TLE3: variants seen among roughly 807,000 people sequenced by gnomAD.
TLE3 encodes the protein TLE family member 3, transcriptional corepressor.
A neutral mutation model predicts 93.0 loss-of-function variants in TLE3; 14 were observed. That is an observed-to-expected ratio of 0.15 (90% CI 0.10 to 0.24). The LOEUF (loss-of-function observed/expected upper bound fraction) is 0.24. Among genes scored for constraint, TLE3 ranks in the 10% least tolerant of loss-of-function variants. The probability of loss-of-function intolerance (pLI) is 1.00; values close to 1 mark genes in which losing one functional copy is unlikely to be tolerated. For missense variants in TLE3, 693 were observed against 1,046.6 expected (o/e 0.66, Z 4.66); for synonymous variants, 451 against 425.0 (o/e 1.06, Z -0.75).
At chr15:70,052,735 C>T (rs2055660105) in intron 17 of TLE3, 2 of 395,964 alleles carry the variant, frequency 5.1e-6, no homozygotes, top group Admixed American at 4.4e-5. Flanking sequence ...GTCTCTGAGA[C>T]TTTCATCTTT....
At chr15:70,095,887 C>T (rs2058531400) in intron 2 of TLE3, 1 of 621,992 alleles carries the variant, frequency 1.6e-6, no homozygotes, top group Non-Finnish European at 2.8e-6. Context: ...AGGACCCTGA[C>T]GCTGGCTCCC....
At position 70,066,076 on chromosome 15, in the gene TLE3, A is replaced by G. The variant is rs1331380062; in HGVS notation, c.515T>C (p.Leu172Pro). 2 of 1,580,794 alleles carry G rather than the reference A, an allele frequency of 1.3e-6. No homozygotes were observed. Among genetic ancestry groups the G allele is most frequent in the Non-Finnish European group, 1.7e-6 (2 of 1,161,740 alleles). Residue 172 changes from leucine (L) to proline (P), a missense_variant, in exon 7 of 20, where the codon CTG becomes CCG. Physicochemically the swap from Leu to Pro is moderately conservative, Grantham distance 98. This residue lies in a region of TLE3 where 405 missense variants were observed against 468.9 expected (regional missense o/e 0.86). Coordinates refer to ENST00000451782, the MANE Select transcript of TLE3 (RefSeq NM_001105192.3). Reference protein sequence around the residue: ...SSSGLLALGALGSQAHLTVKD... With the variant: ...SSSGLLALGAPGSQAHLTVKD... The stretch of plus-strand genomic sequence containing the variant: ...CACCGTCAGATGGGCCTGGCTGCCC[A>G]GGGCGCCCAGTGCCAGCAGCCCGGA...
At chr15:70,068,101 T>C (rs1435034657) in intron 6 of TLE3, among the ~76,000 whole-genome samples, 2 of 152,224 alleles carry the variant, frequency 1.3e-5, no homozygotes, top group African/African-American at 4.8e-5. Context: ...TTTAAGAAAA[T>C]GTAATTTTTA....
Position 70,058,480 on chromosome 15 carries a change from C to T in TLE3, c.918+183G>A, listed in dbSNP as rs1022732219. The T allele has an allele frequency of 5.1e-5, 65 of 1,280,792 alleles. No individual in the cohort carries two copies. In the African/African-American group the frequency reaches 6.8e-4, roughly 13 times the overall value. 79.3% of individuals were successfully genotyped at this position (1,280,792 alleles called of 1,614,324 possible). On this transcript the variant is annotated intron_variant, in intron 11 of 19. Coordinates refer to ENST00000451782, the MANE Select transcript of TLE3 (RefSeq NM_001105192.3). This position sits in a 1 kb window ranked among gnomAD's most constrained non-coding sequence, Gnocchi z 4.1. ...GGGGTGATCACTCCCATTTTACAGA[C>T]GTAGCAACCGAGGCTCAGAAACGTT...
At chr15:70,075,155 G>A (rs2057376850) in intron 5 of TLE3, among the ~76,000 whole-genome samples, 1 of 152,204 alleles carries the variant, frequency 6.6e-6, no homozygotes, top group African/African-American at 2.4e-5. Flanking sequence ...TGAACAGATA[G>A]AGAAAGAAAA....
chr15:70,076,614 G>A (rs188687334), intron 4 of TLE3, among the ~76,000 whole-genome samples: 4 of 152,178 alleles, frequency 2.6e-5, no homozygotes, highest in Non-Finnish European at 4.4e-5. Flanking sequence ...CTGATAAGCG[G>A]TCCTATGTGG....
chr15:70,096,818 T>G lies in TLE3; in HGVS notation c.-20A>C. On this transcript the variant is annotated 5_prime_UTR_variant, in exon 1 of 20. Coordinates refer to ENST00000451782, the MANE Select transcript of TLE3 (RefSeq NM_001105192.3). ...ATACATGGCAGGGAGGGGTCGTGAT[T>G]CCGAGAGCGTGGAAGCGCCGAGAGC... 6.2e-7 allele frequency: 1 copy of G among 1,606,246 alleles called. No individual in the cohort carries two copies. The highest frequency in any genetic ancestry group is 8.5e-7 in the Non-Finnish European group (1 of 1,176,508).
At chr15:70,091,190 G>A (rs1456366533) in intron 4 of TLE3, among the ~76,000 whole-genome samples, 1 of 152,268 alleles carries the variant, frequency 6.6e-6, no homozygotes, top group Non-Finnish European at 1.5e-5. Context: ...TTACAGGAAA[G>A]GTTGTTCAGT....
Position 70,053,593 on chromosome 15 carries a change from C to T in TLE3, c.1827-219G>A, listed in dbSNP as rs552235668. The stretch of plus-strand genomic sequence containing the variant: ...CGGAAGGGTTTGCCCAGGGACAAGT[C>T]CCCTGGGAAATGGGGGGGGGAGGTG... On this transcript the variant is annotated intron_variant, in intron 16 of 19. Transcript: ENST00000451782. 12 of 441,198 alleles carry T rather than the reference C, an allele frequency of 2.7e-5. No homozygotes were observed. In the South Asian group the frequency reaches 6.1e-4, roughly 22 times the overall value. 27.3% of individuals were successfully genotyped at this position (441,198 alleles called of 1,614,324 possible).
At chr15:70,080,635 G>A (rs1013298237) in intron 4 of TLE3, among the ~76,000 whole-genome samples, 8 of 152,124 alleles carry the variant, frequency 5.3e-5, no homozygotes, top group East Asian at 1.9e-4. Flanking sequence ...TGTTCCATGC[G>A]CCTTAGTAGC....
At chr15:70,059,313 G>A in intron 10 of TLE3, 97 bp downstream of exon 10, 1 of 1,419,030 alleles carries the variant, frequency 7.0e-7, no homozygotes. Context: ...CAGGCTGCCA[G>A]TAATACTAGA....
Position 70,049,991 on chromosome 15 carries a change from C to T in TLE3, c.*106G>A. On this transcript the variant is annotated 3_prime_UTR_variant, in exon 20 of 20. Coordinates refer to ENST00000451782, the MANE Select transcript of TLE3 (RefSeq NM_001105192.3). ...GAGCGCAGCCCTGAACGCTCGGCTG[C>T]CTGCGGCCCATCCTCCGCCATCCTC... 2.2e-6 allele frequency: 2 copies of T among 917,596 alleles called. No individual in the cohort carries two copies. The highest frequency in any genetic ancestry group is 3.5e-6 in the Non-Finnish European group (2 of 570,934). 56.8% of individuals were successfully genotyped at this position (917,596 alleles called of 1,614,324 possible).
At chr15:70,088,041 C>G (rs1374816861) in intron 4 of TLE3, among the ~76,000 whole-genome samples, 8 of 152,152 alleles carry the variant, frequency 5.3e-5, no homozygotes, top group Admixed American at 1.3e-4. Flanking sequence ...AATCTGATTC[C>G]TTAGCGGTCA....
chr15:70,053,095 G>T, intron 17 of TLE3, 132 bp downstream of exon 17: 1 of 1,197,472 alleles, frequency 8.4e-7, no homozygotes, highest in Non-Finnish European at 1.1e-6. Flanking sequence ...TTCCCAGATG[G>T]CTCAGGTTGG....
chr15:70,059,645 G>A (rs538377413), intron 9 of TLE3, among the ~76,000 whole-genome samples, 185 bp from the exon 10 acceptor site: 10 of 152,218 alleles, frequency 6.6e-5, no homozygotes, highest in Admixed American at 1.3e-4. Context: ...CGGTCTCCCC[G>A]TGAGGCTGTC....
intron 7 of TLE3, among the ~76,000 whole-genome samples, chr15:70,064,720 A>C (rs912435976): frequency 6.6e-6 from 1 of 152,032 alleles, no homozygotes; most frequent in South Asian, 2.1e-4. Context: ...TCTAGTCCCC[A>C]GGGTGGGCAA....
Position 70,054,704 on chromosome 15 carries a change from G to T in TLE3, c.1579-19C>A. 1 of 1,559,412 alleles carries T rather than the reference G, an allele frequency of 6.4e-7. No homozygotes were observed. The highest frequency in any genetic ancestry group is 8.7e-7 in the Non-Finnish European group (1 of 1,149,284). ...CCCTGTTCTGGAGGGAGAAGGGGCA[G>T]GGCTGAGTGCTGCCTACTTCCCCTC... On this transcript the variant is annotated intron_variant, in intron 15 of 19. Transcript: ENST00000451782.
intron 6 of TLE3, among the ~76,000 whole-genome samples, chr15:70,068,958 A>C (rs1187112207): frequency 6.6e-6 from 1 of 152,258 alleles, no homozygotes; most frequent in African/African-American, 2.4e-5. Flanking sequence ...GTCCTTGGAC[A>C]AGTCAGCCGA....
intron 4 of TLE3, among the ~76,000 whole-genome samples, chr15:70,092,411 C>G (rs1181393420): frequency 6.6e-6 from 1 of 152,236 alleles, no homozygotes; most frequent in Non-Finnish European, 1.5e-5. Context: ...AGGCTGGGAA[C>G]TCAGGCTAGA....
Sources: gnomAD v4.1 joint callset for allele counts (sites outside exome capture counted in the v4.1 genomes callset) on GRCh38, gnomAD v4.1.1 for gene constraint, gnomAD v4.1.1 regional missense constraint, Gnocchi (gnomAD v3.1) non-coding constraint, MANE v1.5 for transcripts, NCBI Gene and HGNC (gene_info 2026-07-23, HGNC 2026-07-21) for gene names.